RORA: variants seen among roughly 807,000 people sequenced by gnomAD.
The protein encoded by RORA is RAR related orphan receptor A, also known as nuclear receptor ROR-alpha.
Under a neutral mutation model 69.5 loss-of-function variants are expected in RORA, and 7 were observed. That is an observed-to-expected ratio of 0.10 (90% CI 0.06 to 0.19). The LOEUF is 0.19. RORA is among the 10% of genes least tolerant of loss of function. The pLI is 1.00. For synonymous variants in RORA, 261 were observed against 240.8 expected (o/e 1.08, Z -0.78); for missense variants, 457 against 663.0 (o/e 0.69, Z 3.41).
chr15:60,579,819 C>T (rs2068139048), intron 2 of RORA, among the ~76,000 whole-genome samples: 1 of 152,048 alleles, frequency 6.6e-6, no homozygotes, highest in Non-Finnish European at 1.5e-5. Flanking sequence ...TCTACATAAT[C>T]CCCTATAGTT....
intron 1 of RORA, among the ~76,000 whole-genome samples, chr15:61,070,501 T>A (rs1456192889): frequency 6.6e-6 from 1 of 152,264 alleles, no homozygotes; most frequent in Non-Finnish European, 1.5e-5. Context: ...ACTGTGAGGA[T>A]GCAGAAGTTG....
chr15:60,763,670 G>T (rs540497099), intron 1 of RORA, among the ~76,000 whole-genome samples: 1 of 152,228 alleles, frequency 6.6e-6, no homozygotes, highest in Admixed American at 6.5e-5. Flanking sequence ...ATGCCAGGGG[G>T]GTAGCTCCCC....
intron 1 of RORA, among the ~76,000 whole-genome samples, chr15:61,053,808 G>A (rs1007477168): frequency 9.1e-5 from 10 of 109,536 alleles, no homozygotes; most frequent in Non-Finnish European, 1.7e-4. Flanking sequence ...AATGTGCTCC[G>A]TTAAGAATCT....
In RORA at chr15:60,868,912, C is replaced by T. The variant is rs1304326312; in HGVS notation, c.167-190226G>A. On this transcript the variant is annotated intron_variant, in intron 1 of 10. Coordinates refer to ENST00000335670, the MANE Select transcript of RORA (RefSeq NM_134261.3). ...GCTGCTTTCTTCACAGCTTTCCAAA[C>T]ACAGGTTGGCAACCTGATTATTTCC... Among the ~76,000 whole-genome samples the T allele has an allele frequency of 2.0e-5, 3 of 152,210 alleles. No individual in the cohort carries two copies. In the East Asian group the frequency reaches 5.8e-4, roughly 29 times the overall value.
chr15:60,883,147 AAAAAG>A (rs1415893122), intron 1 of RORA, among the ~76,000 whole-genome samples: 16,491 of 72,968 alleles, frequency 0.23, 1,744 homozygotes, highest in East Asian at 0.41. Context: ...AAAAAAAAAA[AAAAAG>A]AAAGAGAGAG....
chr15:60,538,999 G>GCACACACACACACACA (rs57764714), intron 2 of RORA, among the ~76,000 whole-genome samples: 1 of 149,968 alleles, frequency 6.7e-6, no homozygotes, highest in African/African-American at 2.4e-5. Context: ...CCTGCCAAAT[G>GCACACACACACACACA]CACACACACA....
intron 1 of RORA, among the ~76,000 whole-genome samples, chr15:60,878,249 C>T (rs886255206): frequency 1.5e-5 from 2 of 132,090 alleles, no homozygotes; most frequent in South Asian, 2.4e-4. Flanking sequence ...GAGGCTGAGG[C>T]AAGAGAATGG....
At chr15:60,819,724 T>C (rs1391991881) in intron 1 of RORA, among the ~76,000 whole-genome samples, 1 of 143,110 alleles carries the variant, frequency 7.0e-6, no homozygotes, top group Non-Finnish European at 1.5e-5. Flanking sequence ...GGAATATCAC[T>C]CCTGGACTGA....
intron 2 of RORA, among the ~76,000 whole-genome samples, chr15:60,555,582 G>A (rs1455001896): frequency 1.3e-5 from 2 of 151,994 alleles, no homozygotes; most frequent in African/African-American, 4.8e-5. Context: ...AATTCTGTTT[G>A]GTACTAGGTT....
intron 1 of RORA, among the ~76,000 whole-genome samples, chr15:60,689,943 A>G (rs1190440332): frequency 6.6e-6 from 1 of 152,160 alleles, no homozygotes; most frequent in African/African-American, 2.4e-5. Flanking sequence ...GAACTGTGAG[A>G]GAACACCACC....
chr15:60,558,454 T>C (rs2067435489), intron 2 of RORA: 1 of 548,580 alleles, frequency 1.8e-6, no homozygotes, highest in African/African-American at 1.9e-5. Flanking sequence ...AGAATTCAGA[T>C]CATTAATGTC....
intron 1 of RORA, among the ~76,000 whole-genome samples, chr15:61,144,278 G>T (rs1434418278): frequency 1.3e-5 from 2 of 152,168 alleles, no homozygotes; most frequent in Non-Finnish European, 2.9e-5. Context: ...TGATTCCACG[G>T]GCAGCTCGAG....
chr15:60,679,048 C>T (rs2070599869), intron 1 of RORA, among the ~76,000 whole-genome samples: 1 of 152,138 alleles, frequency 6.6e-6, no homozygotes, highest in South Asian at 2.1e-4. Context: ...GAGAGCAATG[C>T]CAGCCTACTC....
chr15:61,221,957 G>GAAA (rs537077047), intron 1 of RORA, among the ~76,000 whole-genome samples: 3 of 100,166 alleles, frequency 3.0e-5, no homozygotes, highest in Non-Finnish European at 4.5e-5. Flanking sequence ...ATCTCTTTAA[G>GAAA]AAAAAAAAAA....
At chr15:60,805,784 C>T (rs10519072) in intron 1 of RORA, among the ~76,000 whole-genome samples, 3,459 of 152,302 alleles carry the variant, frequency 0.023, 43 homozygotes, top group Non-Finnish European at 0.032. Flanking sequence ...AGGCAAATCA[C>T]ATTACTTGGT....
chr15:60,924,769 A>C (rs574145269), intron 1 of RORA, among the ~76,000 whole-genome samples: 7 of 152,298 alleles, frequency 4.6e-5, no homozygotes, highest in Admixed American at 1.3e-4. Context: ...AGGACACATT[A>C]CCATTTCCAA....
At chr15:60,722,630 G>A (rs2071308014) in intron 1 of RORA, among the ~76,000 whole-genome samples, 1 of 152,184 alleles carries the variant, frequency 6.6e-6, no homozygotes, top group African/African-American at 2.4e-5. Flanking sequence ...CTCTGGTTCA[G>A]CTGACTTCCC....
chr15:60,715,902 T>TA (rs1402674405), intron 1 of RORA, among the ~76,000 whole-genome samples: 2 of 152,148 alleles, frequency 1.3e-5, no homozygotes, highest in Non-Finnish European at 2.9e-5. Context: ...ATGAATTATG[T>TA]AAAAAAATTA....
At chr15:60,739,444 C>A (rs1045154478) in intron 1 of RORA, among the ~76,000 whole-genome samples, 10 of 152,044 alleles carry the variant, frequency 6.6e-5, no homozygotes, top group African/African-American at 2.4e-4. Context: ...TGGTGGTGTA[C>A]ACCTGTGGTC....
Sources: allele counts gnomAD v4.1 joint callset (sites outside exome capture counted in the v4.1 genomes callset), GRCh38; gene constraint gnomAD v4.1.1; transcripts MANE v1.5; gene names NCBI Gene and HGNC (gene_info 2026-07-23, HGNC 2026-07-21).